Variants in RBFOX1 observed in about 807,000 individuals in gnomAD.
The protein encoded by RBFOX1 is RNA binding fox-1 homolog 1.
A neutral mutation model predicts 57.7 loss-of-function variants in RBFOX1; 8 were observed. That is an observed-to-expected ratio of 0.14 (90% CI 0.08 to 0.25). RBFOX1 has a LOEUF of 0.25. Ranked by LOEUF, RBFOX1 falls within the 10% of genes least tolerant of loss-of-function variation. The pLI is 1.00. For synonymous variants in RBFOX1, 326 were observed against 222.4 expected (o/e 1.47, Z -4.15); for missense variants, 611 against 548.5 (o/e 1.11, Z -1.14).
intron 4 of RBFOX1, among the ~76,000 whole-genome samples, chr16:7,085,320 A>C (rs1222681381): frequency 6.6e-6 from 1 of 152,234 alleles, no homozygotes; most frequent in Non-Finnish European, 1.5e-5. Flanking sequence ...TATCACTTTG[A>C]AAATGTAGAC....
intron 4 of RBFOX1, among the ~76,000 whole-genome samples, chr16:7,325,955 G>A (rs181697232): frequency 4.6e-5 from 7 of 152,274 alleles, no homozygotes; most frequent in African/African-American, 1.7e-4. Flanking sequence ...TCATTTCTCA[G>A]TTCTGGTTCA....
chr16:5,406,471 C>T (rs1292315293), intron 1 of RBFOX1, among the ~76,000 whole-genome samples: 1 of 152,022 alleles, frequency 6.6e-6, no homozygotes, highest in African/African-American at 2.4e-5. Context: ...TTCTGGGTTT[C>T]CAGTTTGTGG....
chr16:5,999,731 G>A (rs1343010287), intron 4 of RBFOX1, among the ~76,000 whole-genome samples: 1 of 151,842 alleles, frequency 6.6e-6, no homozygotes, highest in East Asian at 1.9e-4. Flanking sequence ...CTTGGTGGCG[G>A]GCGCCTGTAG....
rs529716125 is a variant in RBFOX1 at position 6,101,198 on chromosome 16, G to A, written c.-127+81206G>A. Among the ~76,000 whole-genome samples, 21 of 152,276 alleles carry A rather than the reference G, an allele frequency of 1.4e-4. No individual in the cohort carries two copies. The South Asian group carries it at 4.3e-3, about 32-fold the overall frequency. On this transcript the variant is annotated intron_variant, in intron 1 of 15. Coordinates refer to ENST00000550418, the MANE Select transcript of RBFOX1 (RefSeq NM_018723.4). ...TATTTATGAGAACATCTAAAGGCTG[G>A]AGTCTCCGGACCCACTCTCTCACTT...
chr16:7,319,317 A>G (rs1426459282), intron 4 of RBFOX1, among the ~76,000 whole-genome samples: 1 of 152,206 alleles, frequency 6.6e-6, no homozygotes, highest in Non-Finnish European at 1.5e-5. Flanking sequence ...TGGAATGCTG[A>G]CATGTTGAGT....
At position 6,758,924 on chromosome 16, in the gene RBFOX1, A is replaced by G. The variant is rs981263935; in HGVS notation, c.-16+104274A>G. ...ACATGTGTTCAGGGAGTCGGGGGGG[A>G]AAGAGTTTAGAAAGAGGAAAAGCCT... On this transcript the variant is annotated intron_variant, in intron 3 of 15. Transcript: ENST00000550418. Among the ~76,000 whole-genome samples, 5 of 152,164 alleles carry G rather than the reference A, an allele frequency of 3.3e-5. No individual in the cohort carries two copies. The East Asian group carries it at 7.8e-4, about 24-fold the overall frequency.
At position 7,136,565 on chromosome 16, in the gene RBFOX1, C is replaced by A. The variant is rs570985896; in HGVS notation, c.27+84467C>A. Among the ~76,000 whole-genome samples the A allele has an allele frequency of 1.2e-4, 19 of 152,130 alleles. No individual in the cohort carries two copies. The South Asian group carries it at 3.5e-3, about 28-fold the overall frequency. On this transcript the variant is annotated intron_variant, in intron 4 of 15. Coordinates refer to ENST00000550418, the MANE Select transcript of RBFOX1 (RefSeq NM_018723.4). ...GGGATTACAGGTGCACGCCACCACA[C>A]CTAGCTAATTAATTTGTTTGTTTGT... is the stretch of plus-strand genomic sequence containing the variant.
intron 4 of RBFOX1, among the ~76,000 whole-genome samples, chr16:7,488,888 T>C (rs1388827347): frequency 1.3e-5 from 2 of 152,230 alleles, no homozygotes; most frequent in Non-Finnish European, 1.5e-5. Flanking sequence ...ACTGTCATTT[T>C]ATCATTATGT....
At chr16:7,662,082 C>T (rs1184242089) in intron 12 of RBFOX1, among the ~76,000 whole-genome samples, 1 of 152,184 alleles carries the variant, frequency 6.6e-6, no homozygotes, top group African/African-American at 2.4e-5. Context: ...TATCAAAGAA[C>T]CCCAACTCTT....
intron 3 of RBFOX1, among the ~76,000 whole-genome samples, chr16:5,820,960 G>T (rs1174984029): frequency 1.3e-5 from 2 of 152,142 alleles, no homozygotes; most frequent in East Asian, 1.9e-4. Flanking sequence ...TGCCCTCCCT[G>T]TGAGCCCACC....
chr16:7,031,283 G>A (rs1462315570), intron 3 of RBFOX1, among the ~76,000 whole-genome samples: 1 of 152,122 alleles, frequency 6.6e-6, no homozygotes, highest in African/African-American at 2.4e-5. Context: ...TAACCTTTGT[G>A]ACTACACTGT....
intron 4 of RBFOX1, among the ~76,000 whole-genome samples, chr16:7,412,685 T>C (rs1420938055): frequency 6.6e-6 from 1 of 152,230 alleles, no homozygotes; most frequent in Non-Finnish European, 1.5e-5. Context: ...TTTTACCCCA[T>C]GGTAAACAGC....
intron 3 of RBFOX1, among the ~76,000 whole-genome samples, chr16:5,759,219 G>T (rs1440703436): frequency 6.6e-6 from 1 of 152,226 alleles, no homozygotes. Context: ...GTCTGAATCT[G>T]CATCATAGCC....
chr16:6,429,766 C>G (rs771785680), intron 2 of RBFOX1, among the ~76,000 whole-genome samples: 1 of 152,160 alleles, frequency 6.6e-6, no homozygotes, highest in Non-Finnish European at 1.5e-5. Flanking sequence ...TAAGATGTGT[C>G]TTGCTTTCCC....
At chr16:5,864,275 C>T (rs1029223314) in intron 3 of RBFOX1, among the ~76,000 whole-genome samples, 2 of 152,200 alleles carry the variant, frequency 1.3e-5, no homozygotes, top group Non-Finnish European at 1.5e-5. Flanking sequence ...CTCTTGTTAA[C>T]GCTAAAGTGG....
intron 3 of RBFOX1, among the ~76,000 whole-genome samples, chr16:6,881,340 C>G (rs2062890988): frequency 6.6e-6 from 1 of 152,166 alleles, no homozygotes; most frequent in African/African-American, 2.4e-5. Context: ...CACAGTGCCA[C>G]AGGTTGGGTG....
intron 4 of RBFOX1, among the ~76,000 whole-genome samples, chr16:7,360,564 G>C (rs2097301512): frequency 6.6e-6 from 1 of 152,200 alleles, no homozygotes; most frequent in Non-Finnish European, 1.5e-5. Context: ...CCAAGCCTGT[G>C]CCTAGGGAAG....
chr16:6,556,695 A>C (rs2097102694), intron 2 of RBFOX1, among the ~76,000 whole-genome samples: 1 of 152,170 alleles, frequency 6.6e-6, no homozygotes, highest in Admixed American at 6.5e-5. Flanking sequence ...TGATATAGAG[A>C]ATTAAATGTA....
At chr16:7,018,507 T>C (rs1484073233) in intron 3 of RBFOX1, among the ~76,000 whole-genome samples, 1 of 152,210 alleles carries the variant, frequency 6.6e-6, no homozygotes, top group African/African-American at 2.4e-5. Flanking sequence ...TTCCATGTCT[T>C]TGCTATTGTG....
Sources: allele counts gnomAD v4.1 joint callset (sites outside exome capture counted in the v4.1 genomes callset), GRCh38; gene constraint gnomAD v4.1.1; transcripts MANE v1.5; gene names NCBI Gene and HGNC (gene_info 2026-07-23, HGNC 2026-07-21).